Variants in GPR137C observed in about 807,000 individuals in gnomAD.
GPR137C encodes integral membrane protein GPR137C.
A neutral mutation model predicts 43.4 loss-of-function variants in GPR137C; 27 were observed. That is an observed-to-expected ratio of 0.62 (90% confidence interval 0.46 to 0.86). The LOEUF (loss-of-function observed/expected upper bound fraction) is 0.86. Among genes scored for constraint, GPR137C ranks in the 40% least tolerant of loss-of-function variants. GPR137C has a pLI of 0.00. For missense variants in GPR137C, 522 were observed against 534.6 expected (o/e 0.98, Z 0.23); for synonymous variants, 285 against 226.9 (o/e 1.26, Z -2.30).
chr14:52,584,664 T>A (rs1160935009), intron 1 of GPR137C, among the ~76,000 whole-genome samples: 2 of 152,142 alleles, frequency 1.3e-5, no homozygotes, highest in African/African-American at 4.8e-5. Flanking sequence ...CAGGCTGGAG[T>A]GCAGTAGCGC....
At chr14:52,604,952 A>G (rs576455993) in intron 3 of GPR137C, among the ~76,000 whole-genome samples, 1 of 152,192 alleles carries the variant, frequency 6.6e-6, no homozygotes, top group Admixed American at 6.5e-5. Flanking sequence ...GCTGTTTTGG[A>G]TACTATAGCT....
At chr14:52,597,339 T>C (rs895826261) in intron 1 of GPR137C, among the ~76,000 whole-genome samples, 19 of 152,244 alleles carry the variant, frequency 1.2e-4, no homozygotes, top group Non-Finnish European at 1.2e-4. Flanking sequence ...TGTTTATGAA[T>C]CCATAGCACC....
At chr14:52,561,692 A>G (rs1013936599) in intron 1 of GPR137C, among the ~76,000 whole-genome samples, 2 of 152,224 alleles carry the variant, frequency 1.3e-5, no homozygotes, top group Non-Finnish European at 2.9e-5. Flanking sequence ...TAATCTCAAA[A>G]TCAGTATGCT....
intron 1 of GPR137C, among the ~76,000 whole-genome samples, chr14:52,574,534 C>T (rs1315584950): frequency 3.3e-5 from 5 of 151,940 alleles, no homozygotes; most frequent in Admixed American, 6.6e-5. Flanking sequence ...GGATACAGGG[C>T]GGGGAACATC....
intron 1 of GPR137C, among the ~76,000 whole-genome samples, chr14:52,585,828 C>T (rs951492620): frequency 1.1e-4 from 17 of 151,430 alleles, no homozygotes; most frequent in African/African-American, 3.9e-4. Flanking sequence ...GAGGGAGACT[C>T]AGTCTCAAAA....
chr14:52,593,181 C>T (rs1248647882), intron 1 of GPR137C, among the ~76,000 whole-genome samples: 1 of 152,024 alleles, frequency 6.6e-6, no homozygotes, highest in Admixed American at 6.6e-5. Flanking sequence ...GGGATGAAGC[C>T]GAGTTGATTG....
intron 1 of GPR137C, among the ~76,000 whole-genome samples, chr14:52,568,409 G>GT (rs921128735): frequency 3.3e-5 from 5 of 151,502 alleles, no homozygotes; most frequent in Admixed American, 6.6e-5. Context: ...AACTGCAGGA[G>GT]TTTTTTTTTC....
chr14:52,574,476 C>A (rs1266503958), intron 1 of GPR137C, among the ~76,000 whole-genome samples: 1 of 152,120 alleles, frequency 6.6e-6, no homozygotes, highest in Non-Finnish European at 1.5e-5. Context: ...GAATGAAAAC[C>A]AAACACTGCA....
intron 3 of GPR137C, among the ~76,000 whole-genome samples, chr14:52,624,293 AT>A (rs2039195531): frequency 6.6e-6 from 1 of 151,918 alleles, no homozygotes; most frequent in African/African-American, 2.4e-5. Context: ...ATATATCAAA[AT>A]TTGTGGAATG....
intron 1 of GPR137C, among the ~76,000 whole-genome samples, chr14:52,563,416 A>G (rs148439902): frequency 6.6e-6 from 1 of 152,230 alleles, no homozygotes; most frequent in African/African-American, 2.4e-5. Flanking sequence ...TGACATCTTC[A>G]TGGTATCTGA....
intron 1 of GPR137C, among the ~76,000 whole-genome samples, chr14:52,574,555 G>A (rs2038522366): frequency 6.6e-6 from 1 of 152,132 alleles, no homozygotes; most frequent in African/African-American, 2.4e-5. Flanking sequence ...ACACACCGGG[G>A]CCTGTCGGTA....
At chr14:52,575,027 G>T (rs538488772) in intron 1 of GPR137C, among the ~76,000 whole-genome samples, 1 of 152,262 alleles carries the variant, frequency 6.6e-6, no homozygotes, top group East Asian at 1.9e-4. Context: ...AATCTATATT[G>T]TATGAGACTC....
intron 3 of GPR137C, chr14:52,612,658 C>A: frequency 3.6e-6 from 1 of 279,846 alleles, no homozygotes; most frequent in Non-Finnish European, 5.4e-6. Flanking sequence ...AACTCCTGGG[C>A]TTATGTAATT....
chr14:52,612,072 A>C (rs1345020444), intron 3 of GPR137C: 81 of 984,962 alleles, frequency 8.2e-5, no homozygotes, highest in Non-Finnish European at 9.6e-5. Context: ...AACTGGTTTT[A>C]TTTCTACCAG....
intron 1 of GPR137C, among the ~76,000 whole-genome samples, chr14:52,597,524 T>G (rs1329136603): frequency 6.6e-6 from 1 of 152,222 alleles, no homozygotes; most frequent in Non-Finnish European, 1.5e-5. Flanking sequence ...TTTTATTTTG[T>G]AGTTCCTCTG....
At chr14:52,560,573 G>C (rs1032578200) in intron 1 of GPR137C, among the ~76,000 whole-genome samples, 1 of 152,190 alleles carries the variant, frequency 6.6e-6, no homozygotes, top group Non-Finnish European at 1.5e-5. Context: ...TAGATCAGTG[G>C]AGCAGGATAG....
At chr14:52,582,421 CACAA>C (rs1395193119) in intron 1 of GPR137C, among the ~76,000 whole-genome samples, 12 of 152,198 alleles carry the variant, frequency 7.9e-5, no homozygotes, top group Non-Finnish European at 1.2e-4. Flanking sequence ...AGGTGACAGT[CACAA>C]ACAATATATT....
chr14:52,558,312 C>CT (rs2038226528), intron 1 of GPR137C, among the ~76,000 whole-genome samples: 2 of 152,108 alleles, frequency 1.3e-5, no homozygotes, highest in African/African-American at 4.8e-5. Flanking sequence ...TGCCAGAATC[C>CT]TTTAAGTGTA....
chr14:52,624,097 A>G (rs2039192246), intron 3 of GPR137C, among the ~76,000 whole-genome samples: 1 of 151,468 alleles, frequency 6.6e-6, no homozygotes, highest in Admixed American at 6.6e-5. Flanking sequence ...TTTTATTTCT[A>G]ATTAAATTTT....
Sources: allele counts gnomAD v4.1 joint callset (sites outside exome capture counted in the v4.1 genomes callset), GRCh38; gene constraint gnomAD v4.1.1; transcripts MANE v1.5; gene names NCBI Gene and HGNC (gene_info 2026-07-23, HGNC 2026-07-21).